The following HORMAD2 variants were observed in gnomAD, a reference collection of about 807,000 sequenced individuals.
HORMAD2 encodes the protein HORMA domain-containing protein 2.
Under a neutral mutation model 38.8 loss-of-function variants are expected in HORMAD2, and 45 were observed. The observed-to-expected ratio is 1.16, with a 90% CI of 0.91 to 1.49. The LOEUF is 1.49. HORMAD2 is among the 40% of genes most tolerant of loss of function. HORMAD2 has a pLI of 0.00. For synonymous variants in HORMAD2, 126 were observed against 122.8 expected (o/e 1.03, Z -0.17); for missense variants, 338 against 367.0 (o/e 0.92, Z 0.65).
At chr22:30,103,242 T>C (rs1393661747) in intron 3 of HORMAD2, among the ~76,000 whole-genome samples, 195 bp from the exon 4 acceptor site, 2 of 152,198 alleles carry the variant, frequency 1.3e-5, no homozygotes, top group African/African-American at 2.4e-5. Context: ...TAATCGAAAT[T>C]GAGACCAAGC....
intron 1 of HORMAD2, among the ~76,000 whole-genome samples, chr22:30,081,571 C>G (rs2068475313): frequency 6.8e-6 from 1 of 146,688 alleles, no homozygotes; most frequent in Admixed American, 7.0e-5. Flanking sequence ...CCTCACTTTC[C>G]TTTTCTTTTT....
At position 30,128,174 on chromosome 22, in the gene HORMAD2, A is replaced by G. The variant is rs368548264; in HGVS notation, c.819+5960A>G. Among the ~76,000 whole-genome samples, 3 of 152,248 alleles carry G rather than the reference A, an allele frequency of 2.0e-5. No individual in the cohort carries two copies. In the East Asian group the frequency reaches 5.8e-4, roughly 29 times the overall value. ...AAAATTATGTTGATTTTGGCTCAAT[A>G]GAAGGAAGAATTTTCTCTTTACAAA... On this transcript the variant is annotated intron_variant, in intron 10 of 10. Transcript: ENST00000336726.
At chr22:30,083,704 C>A (rs2068523628) in intron 1 of HORMAD2, among the ~76,000 whole-genome samples, 1 of 152,118 alleles carries the variant, frequency 6.6e-6, no homozygotes, top group Non-Finnish European at 1.5e-5. Flanking sequence ...CAACCTCCAC[C>A]TCCCGGGTTC....
chr22:30,080,651 T>C (rs2068453986), intron 1 of HORMAD2, among the ~76,000 whole-genome samples, 160 bp downstream of exon 1: 1 of 152,160 alleles, frequency 6.6e-6, no homozygotes, highest in Non-Finnish European at 1.5e-5. Flanking sequence ...TAAAGTACTG[T>C]GAAGAGAATC....
intron 1 of HORMAD2, among the ~76,000 whole-genome samples, chr22:30,081,647 C>T (rs1470442138): frequency 2.0e-5 from 3 of 152,068 alleles, no homozygotes; most frequent in African/African-American, 7.2e-5. Flanking sequence ...GCAATCTCAG[C>T]TCACTGCAAC....
chr22:30,112,301 T>G (rs1282968129), intron 6 of HORMAD2, among the ~76,000 whole-genome samples, 195 bp from the exon 7 acceptor site: 3 of 152,140 alleles, frequency 2.0e-5, no homozygotes, highest in Non-Finnish European at 4.4e-5. Context: ...ATTATTAATT[T>G]CCTTTTATTC....
At chr22:30,103,683 G>A (rs1330348537) in intron 4 of HORMAD2, among the ~76,000 whole-genome samples, 183 bp downstream of exon 4, 2 of 29,700 alleles carry the variant, frequency 6.7e-5, no homozygotes, top group Non-Finnish European at 1.0e-4. Flanking sequence ...TTTTTTTTGA[G>A]ATGGAGTCTC....
the HORMAD2 span, among the ~76,000 whole-genome samples, chr22:30,206,549 C>G: frequency 6.6e-6 from 1 of 152,136 alleles, no homozygotes; most frequent in Non-Finnish European, 1.5e-5. Flanking sequence ...GTGGTGCGAC[C>G]ATAGCTCACT....
At chr22:30,097,478 C>G (rs1395804540) in intron 2 of HORMAD2, among the ~76,000 whole-genome samples, 1 of 152,124 alleles carries the variant, frequency 6.6e-6, no homozygotes, top group Non-Finnish European at 1.5e-5. Context: ...AGTATTGATA[C>G]TTTTTACAGA....
upstream of HORMAD2, among the ~76,000 whole-genome samples, chr22:30,079,343 G>A (rs1297937001): frequency 6.6e-6 from 1 of 152,086 alleles, no homozygotes; most frequent in East Asian, 1.9e-4. Flanking sequence ...CTGAGATTAG[G>A]GGTAGGGCAC....
intron 10 of HORMAD2, among the ~76,000 whole-genome samples, chr22:30,126,109 T>A (rs1292713510): frequency 6.6e-6 from 1 of 152,214 alleles, no homozygotes; most frequent in East Asian, 1.9e-4. Flanking sequence ...TATCCTGACT[T>A]CTATTCGCAT....
the HORMAD2 span, among the ~76,000 whole-genome samples, chr22:30,193,914 T>G: frequency 1.3e-5 from 2 of 152,200 alleles, no homozygotes; most frequent in Non-Finnish European, 2.9e-5. Flanking sequence ...TTCCTTTTCT[T>G]GCTGGATGCA....
intron 5 of HORMAD2, among the ~76,000 whole-genome samples, chr22:30,109,597 A>G (rs1199491018): frequency 1.3e-5 from 2 of 152,172 alleles, no homozygotes; most frequent in Non-Finnish European, 2.9e-5. Context: ...GATTACAGGC[A>G]AGAACCACTG....
the HORMAD2 span, among the ~76,000 whole-genome samples, chr22:30,193,636 C>T: frequency 2.6e-4 from 40 of 152,304 alleles, no homozygotes; most frequent in East Asian, 4.6e-3. Flanking sequence ...TGCATAGGCC[C>T]TGAGTCTGAA....
chr22:30,118,812 C>T (rs1922230957), intron 7 of HORMAD2, among the ~76,000 whole-genome samples, 168 bp from the exon 8 acceptor site: 2 of 152,010 alleles, frequency 1.3e-5, no homozygotes, highest in Admixed American at 6.5e-5. Flanking sequence ...ACTAGGTTGT[C>T]TTTATATTTG....
At chr22:30,207,160 C>T in the HORMAD2 span, 3 of 460,852 alleles carry the variant, frequency 6.5e-6, no homozygotes, top group East Asian at 1.4e-4. Flanking sequence ...CCCGCCCGCC[C>T]AGGCTGAATC....
chr22:30,200,314 T>C, the HORMAD2 span, among the ~76,000 whole-genome samples: 1 of 152,188 alleles, frequency 6.6e-6, no homozygotes, highest in Admixed American at 6.5e-5. Flanking sequence ...TAAACAAATT[T>C]CTAAATTGAA....
intron 4 of HORMAD2, among the ~76,000 whole-genome samples, chr22:30,104,118 C>T (rs918376089): frequency 1.3e-5 from 2 of 152,108 alleles, no homozygotes; most frequent in Non-Finnish European, 2.9e-5. Flanking sequence ...TATGTACCCA[C>T]ACAGATTTTA....
chr22:30,184,734 C>T, the HORMAD2 span: 1 of 152,136 alleles, frequency 6.6e-6, no homozygotes, highest in African/African-American at 2.4e-5. Flanking sequence ...GATTAGATGA[C>T]TTTCTGCTCT....
Sources: gnomAD v4.1 joint callset for allele counts (sites outside exome capture counted in the v4.1 genomes callset) on GRCh38, gnomAD v4.1.1 for gene constraint, MANE v1.5 for transcripts, NCBI Gene and HGNC (gene_info 2026-07-23, HGNC 2026-07-21) for gene names.